CNTN1: variants seen among roughly 807,000 people sequenced by gnomAD.
The protein encoded by CNTN1 is contactin 1, also known as contactin-1.
In CNTN1, 38 loss-of-function variants were observed where a neutral mutation model predicts 126.4. The ratio of observed to expected loss-of-function variants is 0.30; its 90% CI spans 0.23 to 0.39. CNTN1 has a LOEUF of 0.39. Ranked by LOEUF, CNTN1 falls within the 10% of genes least tolerant of loss-of-function variation. The pLI, the probability that CNTN1 is intolerant of heterozygous loss-of-function variation, is 1.00. For missense variants in CNTN1, 1,009 were observed against 1,248.4 expected (o/e 0.81, Z 2.89); for synonymous variants, 413 against 422.6 (o/e 0.98, Z 0.28).
intron 1 of CNTN1, among the ~76,000 whole-genome samples, chr12:40,823,039 G>A (rs997136049): frequency 1.1e-4 from 17 of 150,786 alleles, no homozygotes; most frequent in Non-Finnish European, 2.1e-4. Context: ...ATGTAATGGG[G>A]GTATATATTT....
chr12:40,713,213 A>G (rs1419149655), intron 1 of CNTN1, among the ~76,000 whole-genome samples: 1 of 143,310 alleles, frequency 7.0e-6, no homozygotes, highest in Non-Finnish European at 1.6e-5. Context: ...TGAATCCTAT[A>G]TCATGGCTTT....
At chr12:40,875,898 C>T (rs1393898122) in intron 1 of CNTN1, among the ~76,000 whole-genome samples, 2 of 151,932 alleles carry the variant, frequency 1.3e-5, no homozygotes, top group African/African-American at 4.8e-5. Flanking sequence ...AATTACTAGG[C>T]CATATCACAT....
chr12:40,930,359 A>G (rs1008141288), intron 7 of CNTN1, among the ~76,000 whole-genome samples: 5 of 152,034 alleles, frequency 3.3e-5, no homozygotes, highest in Admixed American at 6.6e-5. Context: ...TGAAGAAATC[A>G]AAGGATTGGT....
At chr12:41,045,315 A>T (rs750631740) in intron 23 of CNTN1, among the ~76,000 whole-genome samples, 14 of 152,148 alleles carry the variant, frequency 9.2e-5, no homozygotes, top group Non-Finnish European at 2.1e-4. Context: ...CCTTTGAAAC[A>T]TTATAGGCTG....
chr12:41,040,448 C>A (rs539161298), intron 23 of CNTN1, among the ~76,000 whole-genome samples: 1 of 151,942 alleles, frequency 6.6e-6, no homozygotes. Context: ...AAATTAGAGA[C>A]GAGGAAATTA....
intron 12 of CNTN1, 104 bp downstream of exon 12, chr12:40,939,589 A>AT (rs34686634): frequency 2.1e-3 from 2,590 of 1,241,234 alleles, no homozygotes; most frequent in Non-Finnish European, 2.4e-3. Context: ...TTTGCTCTGA[A>AT]TTTTTTTTTT....
At chr12:40,864,231 G>A (rs1277256249) in intron 1 of CNTN1, among the ~76,000 whole-genome samples, 1 of 151,564 alleles carries the variant, frequency 6.6e-6, no homozygotes, top group East Asian at 1.9e-4. Context: ...TGTTGGTTAG[G>A]CTGGTCTCGA....
intron 1 of CNTN1, among the ~76,000 whole-genome samples, chr12:40,836,270 A>C (rs1942057049): frequency 6.7e-6 from 1 of 148,260 alleles, no homozygotes; most frequent in Admixed American, 6.8e-5. Flanking sequence ...TACATATAAT[A>C]TGTATGTATA....
intron 1 of CNTN1, among the ~76,000 whole-genome samples, chr12:40,820,396 T>G (rs756199014): frequency 2.6e-5 from 4 of 152,170 alleles, no homozygotes; most frequent in African/African-American, 7.2e-5. Context: ...TGGCTCTGAT[T>G]CTGAGGTGTG....
chr12:40,740,518 A>G (rs1937894429), intron 1 of CNTN1, among the ~76,000 whole-genome samples: 1 of 152,168 alleles, frequency 6.6e-6, no homozygotes, highest in African/African-American at 2.4e-5. Context: ...TCTTCATTGC[A>G]TCCTTGGCAA....
At chr12:40,893,825 C>T (rs1453705017) in intron 1 of CNTN1, among the ~76,000 whole-genome samples, 3 of 152,104 alleles carry the variant, frequency 2.0e-5, no homozygotes, top group South Asian at 2.1e-4. Flanking sequence ...ATCCCCCACT[C>T]CTGTCTGACT....
chr12:40,924,987 A>G (rs1271160697), intron 6 of CNTN1, among the ~76,000 whole-genome samples: 1 of 150,624 alleles, frequency 6.6e-6, no homozygotes, highest in African/African-American at 2.4e-5. Flanking sequence ...AGTACCAAGA[A>G]AGGATGTATA....
chr12:40,995,565 AG>A (rs1948192716), intron 17 of CNTN1, among the ~76,000 whole-genome samples: 1 of 152,138 alleles, frequency 6.6e-6, no homozygotes, highest in Non-Finnish European at 1.5e-5. Flanking sequence ...CACCTTCTTT[AG>A]GCATCACCTC....
intron 1 of CNTN1, among the ~76,000 whole-genome samples, chr12:40,774,470 A>G (rs553278923): frequency 6.6e-6 from 1 of 151,876 alleles, no homozygotes; most frequent in East Asian, 1.9e-4. Flanking sequence ...CTCACAAGAC[A>G]GCACATATTT....
At position 40,732,800 on chromosome 12, in the gene CNTN1, A is replaced by G. The variant is rs141774461; in HGVS notation, c.-77+40208A>G. On this transcript the variant is annotated intron_variant, in intron 1 of 23. Transcript: ENST00000551295. ...CTTTCTTTCAAATTATTTCACTAATATAAAACTCCCTAATCCAGTAGCATT... is the reference window on the plus strand; with the variant it reads ...CTTTCTTTCAAATTATTTCACTAATGTAAAACTCCCTAATCCAGTAGCATT... 2.0e-5 allele frequency among the ~76,000 whole-genome samples: 3 copies of G among 152,228 alleles called. No individual in the cohort carries two copies. The East Asian group carries it at 5.8e-4, about 29-fold the overall frequency.
At chr12:40,924,468 G>T in intron 5 of CNTN1, 89 bp from the exon 6 acceptor site, 1 of 744,002 alleles carries the variant, frequency 1.3e-6, no homozygotes, top group Non-Finnish European at 2.4e-6. Flanking sequence ...TCTCACGAAT[G>T]AGTTATTTGC....
chr12:41,038,855 AAG>A (rs1025721530), intron 23 of CNTN1, among the ~76,000 whole-genome samples: 70 of 152,154 alleles, frequency 4.6e-4, no homozygotes, highest in African/African-American at 1.6e-3. Context: ...TGTTTTCACT[AAG>A]AGTGCAGGGA....
chr12:40,986,538 G>A (rs1947958337), intron 16 of CNTN1, among the ~76,000 whole-genome samples: 1 of 152,084 alleles, frequency 6.6e-6, no homozygotes, highest in Non-Finnish European at 1.5e-5. Context: ...TTCTACGTTG[G>A]ACCCCACAGA....
intron 1 of CNTN1, among the ~76,000 whole-genome samples, chr12:40,753,198 C>G (rs1358651024): frequency 1.3e-5 from 2 of 152,062 alleles, no homozygotes; most frequent in African/African-American, 4.8e-5. Flanking sequence ...CTTATTCTTC[C>G]CTCCTCCTCA....
Sources: allele counts gnomAD v4.1 joint callset (sites outside exome capture counted in the v4.1 genomes callset), GRCh38; gene constraint gnomAD v4.1.1; transcripts MANE v1.5; gene names NCBI Gene and HGNC (gene_info 2026-07-23, HGNC 2026-07-21).